GARIN5A: variants seen among roughly 807,000 people sequenced by gnomAD.
GARIN5A encodes the protein Golgi-associated RAB2 interactor protein 5A.
the GARIN5A span, chr19:50,476,287 C>A: frequency 6.2e-7 from 1 of 1,604,028 alleles, no homozygotes; most frequent in Non-Finnish European, 8.5e-7. Flanking sequence ...CGTCATGATG[C>A]GGAGCGGGCT....
At chr19:50,475,706 T>C in the GARIN5A span, 2 of 737,482 alleles carry the variant, frequency 2.7e-6, no homozygotes, top group Non-Finnish European at 4.6e-6. Context: ...GTGTCAGAGA[T>C]CACATAGGAG....
chr19:50,471,765 C>T, the GARIN5A span, among the ~76,000 whole-genome samples: 294 of 132,052 alleles, frequency 2.2e-3, 19 homozygotes, highest in African/African-American at 1.0e-2. Flanking sequence ...TGTGTATACG[C>T]ATACATACCT....
the GARIN5A span, among the ~76,000 whole-genome samples, chr19:50,467,999 C>T: frequency 3.3e-3 from 496 of 152,322 alleles, 2 homozygotes; most frequent in Middle Eastern, 0.082. Flanking sequence ...AGCCACATGT[C>T]TCCTTTTTGT....
At chr19:50,469,066 G>C in the GARIN5A span, among the ~76,000 whole-genome samples, 13 of 152,158 alleles carry the variant, frequency 8.5e-5, no homozygotes, top group African/African-American at 3.1e-4. Context: ...TCTGCTCAGA[G>C]CCTTCCTGTG....
the GARIN5A span, among the ~76,000 whole-genome samples, chr19:50,469,881 G>C: frequency 2.6e-5 from 4 of 152,188 alleles, no homozygotes; most frequent in Non-Finnish European, 5.9e-5. Context: ...GTGTCCCTCA[G>C]TGGGTGACTT....
At chr19:50,476,382 GC>G in the GARIN5A span, 3 of 1,557,416 alleles carry the variant, frequency 1.9e-6, no homozygotes, top group Non-Finnish European at 1.7e-6. Flanking sequence ...CAAAGGGGCG[GC>G]CCCATCCTGC....
chr19:50,471,634 ATG>A, the GARIN5A span, among the ~76,000 whole-genome samples: 1 of 151,896 alleles, frequency 6.6e-6, no homozygotes, highest in Non-Finnish European at 1.5e-5. Context: ...GTGTGTATAC[ATG>A]TGTGTATATA....
the GARIN5A span, chr19:50,476,015 C>A: frequency 1.2e-6 from 2 of 1,603,006 alleles, no homozygotes; most frequent in Non-Finnish European, 1.7e-6. Flanking sequence ...ACTGAGAGGG[C>A]CCGGCACAGC....
the GARIN5A span, among the ~76,000 whole-genome samples, chr19:50,468,459 A>AGTAG: frequency 1.3e-5 from 2 of 150,816 alleles, no homozygotes; most frequent in Non-Finnish European, 2.9e-5. Context: ...AAGCTCCCTC[A>AGTAG]GCCCCTCACA....
the GARIN5A span, among the ~76,000 whole-genome samples, chr19:50,469,639 C>T: frequency 6.6e-6 from 1 of 152,178 alleles, no homozygotes; most frequent in Non-Finnish European, 1.5e-5. Context: ...TCCAACAGGG[C>T]AGAGCAGGAA....
the GARIN5A span, among the ~76,000 whole-genome samples, chr19:50,469,421 T>C: frequency 6.6e-6 from 1 of 152,172 alleles, no homozygotes; most frequent in African/African-American, 2.4e-5. Context: ...CTTGCCCATC[T>C]AACAAATGGC....
chr19:50,467,537 G>A, the GARIN5A span: 21 of 1,469,686 alleles, frequency 1.4e-5, no homozygotes, highest in East Asian at 1.5e-4. Context: ...GCCCCACTGC[G>A]CTTCCCCCCT....
At chr19:50,475,576 T>C in the GARIN5A span, 1 of 943,190 alleles carries the variant, frequency 1.1e-6, no homozygotes, top group Non-Finnish European at 1.6e-6. Context: ...AAAATCAGGC[T>C]GGGGGCCAGA....
the GARIN5A span, chr19:50,466,995 G>A: frequency 6.6e-6 from 1 of 152,570 alleles, no homozygotes; most frequent in Non-Finnish European, 1.5e-5. The surrounding 1 kb of genome is among the most constrained non-coding windows in gnomAD (Gnocchi z 4.9). Flanking sequence ...TTGGCCTGCA[G>A]TTAGGGAGTG....
the GARIN5A span, among the ~76,000 whole-genome samples, chr19:50,469,843 C>T: frequency 6.6e-6 from 1 of 152,184 alleles, no homozygotes; most frequent in African/African-American, 2.4e-5. Flanking sequence ...TGCCACACCG[C>T]CTGTAACCGA....
At chr19:50,470,715 C>A in the GARIN5A span, among the ~76,000 whole-genome samples, 4 of 137,998 alleles carry the variant, frequency 2.9e-5, no homozygotes, top group South Asian at 7.4e-4. Context: ...AGTGTAATGG[C>A]GCGATCTTGG....
chr19:50,470,522 AAAAG>A, the GARIN5A span, among the ~76,000 whole-genome samples: 3 of 152,048 alleles, frequency 2.0e-5, no homozygotes, highest in Non-Finnish European at 4.4e-5. Context: ...TCAAAAAAAA[AAAAG>A]AGTCCAATTG....
chr19:50,470,208 G>A, the GARIN5A span, among the ~76,000 whole-genome samples: 1 of 152,158 alleles, frequency 6.6e-6, no homozygotes, highest in Middle Eastern at 3.2e-3. Context: ...CACGTGCAAT[G>A]GTCAAAAAGA....
the GARIN5A span, among the ~76,000 whole-genome samples, chr19:50,471,519 C>T: frequency 1.3e-5 from 2 of 152,106 alleles, no homozygotes; most frequent in Admixed American, 1.3e-4. Context: ...ATCTGCCCAC[C>T]TCAGCCTCCC....
Sources: allele counts gnomAD v4.1 joint callset (sites outside exome capture counted in the v4.1 genomes callset), GRCh38; gene constraint gnomAD v4.1.1; non-coding constraint Gnocchi (gnomAD v3.1); transcripts MANE v1.5; gene names NCBI Gene and HGNC (gene_info 2026-07-23, HGNC 2026-07-21).